STAU2: variants seen among roughly 807,000 people sequenced by gnomAD.
STAU2 encodes double-stranded RNA-binding protein Staufen homolog 2.
A neutral mutation model predicts 65.9 loss-of-function variants in STAU2; 20 were observed. That is an observed-to-expected ratio of 0.30 (90% CI 0.21 to 0.44). The LOEUF (loss-of-function observed/expected upper bound fraction) is 0.44, where lower values mean the gene tolerates loss of function less well. STAU2 is among the 20% of genes least tolerant of loss of function. STAU2 has a pLI of 1.00. For synonymous variants in STAU2, 232 were observed against 233.9 expected, an observed-to-expected ratio of 0.99 and a Z score of 0.07; for missense variants, 558 against 683.9, an observed-to-expected ratio of 0.82 and a Z score of 2.05.
chr8:73,455,364 C>T (rs979096266), intron 13 of STAU2, among the ~76,000 whole-genome samples: 13 of 152,250 alleles, frequency 8.5e-5, no homozygotes, highest in African/African-American at 3.1e-4. Context: ...AGGGGCTGTG[C>T]GGTCAGGGCG....
intron 3 of STAU2, among the ~76,000 whole-genome samples, chr8:73,723,688 G>A (rs904108812): frequency 6.6e-5 from 10 of 152,058 alleles, no homozygotes; most frequent in African/African-American, 2.4e-4. Context: ...CTCAGTTGTA[G>A]TTTTCATCAC....
intron 3 of STAU2, among the ~76,000 whole-genome samples, chr8:73,720,712 C>T (rs1373643473): frequency 1.1e-5 from 1 of 90,468 alleles, no homozygotes; most frequent in South Asian, 4.3e-4. Flanking sequence ...CAGGGTTTCA[C>T]CTTGTTAACC....
intron 3 of STAU2, among the ~76,000 whole-genome samples, chr8:73,731,364 T>A (rs1002579655): frequency 3.9e-5 from 6 of 152,190 alleles, no homozygotes; most frequent in Non-Finnish European, 8.8e-5. Flanking sequence ...CAAATTTTTA[T>A]CTTTGTCTTT....
At chr8:73,628,470 GTTTC>G (rs1223089496) in intron 6 of STAU2, among the ~76,000 whole-genome samples, 2 of 152,076 alleles carry the variant, frequency 1.3e-5, no homozygotes, top group Non-Finnish European at 2.9e-5. Flanking sequence ...ATGGCTTATT[GTTTC>G]TTTGAGTTGT....
chr8:73,598,629 G>A (rs942450381), intron 10 of STAU2, among the ~76,000 whole-genome samples: 1 of 152,062 alleles, frequency 6.6e-6, no homozygotes, highest in African/African-American at 2.4e-5. Flanking sequence ...TTAGAAACAA[G>A]ACAAGGATGT....
At chr8:73,573,706 A>G (rs1809289241) in intron 12 of STAU2, among the ~76,000 whole-genome samples, 1 of 152,236 alleles carries the variant, frequency 6.6e-6, no homozygotes, top group African/African-American at 2.4e-5. Flanking sequence ...CATATGTAGA[A>G]AGCTGAAACT....
At chr8:73,608,405 G>A (rs745732287) in intron 9 of STAU2, among the ~76,000 whole-genome samples, 6 of 150,728 alleles carry the variant, frequency 4.0e-5, no homozygotes, top group African/African-American at 7.3e-5. Flanking sequence ...TCAGGAGTTC[G>A]AGACCAGCCT....
intron 12 of STAU2, among the ~76,000 whole-genome samples, chr8:73,582,436 AATT>A (rs1307522917): frequency 2.0e-5 from 3 of 149,830 alleles, no homozygotes; most frequent in Non-Finnish European, 3.0e-5. Context: ...TTATTATAAA[AATT>A]ATTTTTATAT....
chr8:73,534,999 T>C (rs886627184), intron 13 of STAU2, among the ~76,000 whole-genome samples: 1 of 152,240 alleles, frequency 6.6e-6, no homozygotes, highest in Non-Finnish European at 1.5e-5. Flanking sequence ...ATTACATGCT[T>C]ATATTTGATA....
rs945809656 is a variant in STAU2, at chr8:73,703,259, T to C, written c.114+5773A>G. Among the ~76,000 whole-genome samples, 4 of 152,230 alleles carry C rather than the reference T, an allele frequency of 2.6e-5. No individual in the cohort carries two copies. In the East Asian group the frequency reaches 7.7e-4, roughly 29 times the overall value. ...AGTGAGTTATCATGAGATCTGGTCA[T>C]ATAAAAGTGTGTGGGACCCCCCCAA... On this transcript the variant is annotated intron_variant, in intron 4 of 14. Transcript: ENST00000524300.
chr8:73,481,581 C>T (rs1328271557), intron 13 of STAU2, among the ~76,000 whole-genome samples: 1 of 150,154 alleles, frequency 6.7e-6, no homozygotes, highest in Admixed American at 6.6e-5. Context: ...AACGGGCTTT[C>T]TGCAACCCCA....
intron 4 of STAU2, among the ~76,000 whole-genome samples, chr8:73,701,755 A>G (rs1478514006): frequency 6.7e-6 from 1 of 148,456 alleles, no homozygotes; most frequent in Non-Finnish European, 1.5e-5. Context: ...AAAAGAAATC[A>G]GTATGTTGAA....
chr8:73,726,377 A>G (rs1166681206), intron 3 of STAU2, among the ~76,000 whole-genome samples: 2 of 152,210 alleles, frequency 1.3e-5, no homozygotes, highest in Admixed American at 6.5e-5. Flanking sequence ...AATCACCACT[A>G]AAGAACTTAT....
intron 6 of STAU2, among the ~76,000 whole-genome samples, chr8:73,643,907 A>T (rs576914681): frequency 2.0e-5 from 3 of 152,340 alleles, no homozygotes; most frequent in Admixed American, 2.0e-4. Context: ...GCATAAATAG[A>T]TACACTCATA....
At chr8:73,693,316 AC>A (rs1357450089) in intron 4 of STAU2, among the ~76,000 whole-genome samples, 2 of 152,110 alleles carry the variant, frequency 1.3e-5, no homozygotes, top group African/African-American at 2.4e-5. Flanking sequence ...TACTAAAAAT[AC>A]AAAAAAAATT....
At chr8:73,510,521 G>A (rs1400968021) in intron 13 of STAU2, among the ~76,000 whole-genome samples, 1 of 152,046 alleles carries the variant, frequency 6.6e-6, no homozygotes, top group African/African-American at 2.4e-5. Context: ...GGATGTATTA[G>A]TCCATTCTCA....
At chr8:73,486,843 G>C (rs1419468000) in intron 13 of STAU2, among the ~76,000 whole-genome samples, 1 of 151,516 alleles carries the variant, frequency 6.6e-6, no homozygotes, top group Non-Finnish European at 1.5e-5. Flanking sequence ...TGTAGAGACA[G>C]AGTCTTGCTA....
chr8:73,593,894 C>T (rs1047634309), intron 11 of STAU2, among the ~76,000 whole-genome samples: 12 of 151,860 alleles, frequency 7.9e-5, no homozygotes, highest in Non-Finnish European at 1.5e-4. Context: ...CACACACACA[C>T]ACACACACAC....
At chr8:73,715,531 AT>A (rs1445815740) in intron 3 of STAU2, among the ~76,000 whole-genome samples, 4 of 151,872 alleles carry the variant, frequency 2.6e-5, no homozygotes, top group Non-Finnish European at 5.9e-5. Flanking sequence ...ACTGATAAAG[AT>A]TTTTTTTAAT....
Sources: gnomAD v4.1 joint callset for allele counts (sites outside exome capture counted in the v4.1 genomes callset) on GRCh38, gnomAD v4.1.1 for gene constraint, MANE v1.5 for transcripts, NCBI Gene and HGNC (gene_info 2026-07-23, HGNC 2026-07-21) for gene names.